Variants in PDE4D observed in about 807,000 individuals in gnomAD.
PDE4D encodes the protein 3',5'-cyclic-AMP phosphodiesterase 4D.
Under a neutral mutation model 87.4 loss-of-function variants are expected in PDE4D, and 24 were observed. The ratio of observed to expected loss-of-function variants is 0.27; its 90% CI spans 0.20 to 0.39. PDE4D has a LOEUF of 0.39. Among genes scored for constraint, PDE4D ranks in the 10% least tolerant of loss-of-function variants. The pLI is 1.00. For missense variants in PDE4D, 714 were observed against 1,041.0 expected (o/e 0.69, Z 4.32); for synonymous variants, 384 against 383.2 (o/e 1.00, Z -0.02).
intron 1 of PDE4D, among the ~76,000 whole-genome samples, chr5:59,759,116 T>C (rs1176835670): frequency 1.3e-5 from 2 of 152,100 alleles, no homozygotes; most frequent in African/African-American, 2.4e-5. Flanking sequence ...TTCCTGAAAG[T>C]GCTACTTGAA....
intron 1 of PDE4D, among the ~76,000 whole-genome samples, chr5:59,700,521 T>TA (rs1752415420): frequency 6.6e-6 from 1 of 152,162 alleles, no homozygotes; most frequent in Non-Finnish European, 1.5e-5. Flanking sequence ...CACGTAGATT[T>TA]CACACCTAAT....
chr5:59,085,116 T>C (rs1326967498), intron 5 of PDE4D, among the ~76,000 whole-genome samples: 1 of 152,156 alleles, frequency 6.6e-6, no homozygotes, highest in Non-Finnish European at 1.5e-5. Flanking sequence ...CACAAAGATA[T>C]TCATCACAAT....
At chr5:60,331,987 T>C (rs891683664) in intron 1 of PDE4D, among the ~76,000 whole-genome samples, 24 of 152,330 alleles carry the variant, frequency 1.6e-4, no homozygotes, top group African/African-American at 5.3e-4. Flanking sequence ...TGCTTGTTCA[T>C]TGTTCTGTGC....
At chr5:59,343,925 G>A (rs1017891585) in intron 1 of PDE4D, among the ~76,000 whole-genome samples, 1 of 151,968 alleles carries the variant, frequency 6.6e-6, no homozygotes, top group Non-Finnish European at 1.5e-5. Flanking sequence ...AACTGGTATA[G>A]GTCATATTAT....
chr5:59,496,236 G>A (rs974796516), intron 1 of PDE4D, among the ~76,000 whole-genome samples: 2 of 152,118 alleles, frequency 1.3e-5, no homozygotes, highest in Non-Finnish European at 2.9e-5. Context: ...CTGTTGGTGT[G>A]CTCTTCCACC....
At chr5:60,450,344 C>T (rs1746001794) in intron 1 of PDE4D, among the ~76,000 whole-genome samples, 1 of 151,866 alleles carries the variant, frequency 6.6e-6, no homozygotes, top group African/African-American at 2.4e-5. Context: ...GGTGGTTTTG[C>T]CCCAATCTGA....
At chr5:59,933,792 T>TATATATATATATATA (rs1561879282) in intron 3 of PDE4D, among the ~76,000 whole-genome samples, 49 of 99,416 alleles carry the variant, frequency 4.9e-4, no homozygotes, top group African/African-American at 2.3e-3. Context: ...ATATATATAT[T>TATATATATATATATA]AATAAGCATT....
chr5:59,535,076 T>C (rs78464331), intron 1 of PDE4D, among the ~76,000 whole-genome samples: 67 of 107,540 alleles, frequency 6.2e-4, no homozygotes, highest in African/African-American at 1.9e-3. Flanking sequence ...TGTGTGTGTG[T>C]GGGGGGGGGG....
At chr5:60,322,415 C>A (rs200350583) in intron 1 of PDE4D, among the ~76,000 whole-genome samples, 5,313 of 136,258 alleles carry the variant, frequency 0.039, 146 homozygotes, top group East Asian at 0.14. Flanking sequence ...CACACACACA[C>A]AAAACCCTAA....
chr5:60,352,226 A>C (rs977438196), intron 1 of PDE4D, among the ~76,000 whole-genome samples: 1 of 152,112 alleles, frequency 6.6e-6, no homozygotes, highest in Non-Finnish European at 1.5e-5. Flanking sequence ...TTTCCTCCCA[A>C]GGCACAGTAG....
chr5:60,422,662 T>G (rs37701), intron 1 of PDE4D, among the ~76,000 whole-genome samples: 2 of 152,222 alleles, frequency 1.3e-5, no homozygotes, highest in East Asian at 3.9e-4. Flanking sequence ...CCAGCTAACA[T>G]CATAATGACA....
intron 1 of PDE4D, among the ~76,000 whole-genome samples, chr5:59,560,589 G>C (rs1207688816): frequency 6.6e-6 from 1 of 152,192 alleles, no homozygotes; most frequent in Non-Finnish European, 1.5e-5. Context: ...TTAGGTTCAA[G>C]TTTTCACAGG....
chr5:59,701,364 T>A (rs1752536183), intron 1 of PDE4D, among the ~76,000 whole-genome samples: 1 of 152,222 alleles, frequency 6.6e-6, no homozygotes, highest in South Asian at 2.1e-4. Context: ...CCTGCTCCAA[T>A]TTGAACTACT....
chr5:59,487,322 A>AG (rs1805331235), intron 1 of PDE4D, among the ~76,000 whole-genome samples: 1 of 152,212 alleles, frequency 6.6e-6, no homozygotes, highest in Non-Finnish European at 1.5e-5. Context: ...TTTCAAGTTG[A>AG]TAGGACATTA....
intron 3 of PDE4D, among the ~76,000 whole-genome samples, chr5:59,932,503 C>T (rs1417731482): frequency 6.6e-6 from 1 of 152,298 alleles, no homozygotes; most frequent in East Asian, 1.9e-4. Flanking sequence ...ATTAAGTCCT[C>T]AGGTGAGGAA....
At chr5:59,775,511 A>G (rs1489851289) in intron 1 of PDE4D, among the ~76,000 whole-genome samples, 1 of 152,244 alleles carries the variant, frequency 6.6e-6, no homozygotes, top group Non-Finnish European at 1.5e-5. Context: ...ATACAAAAAA[A>G]AAATTAAATA....
intron 2 of PDE4D, among the ~76,000 whole-genome samples, chr5:60,098,067 A>G (rs1184993212): frequency 6.6e-6 from 1 of 151,902 alleles, no homozygotes; most frequent in East Asian, 1.9e-4. Flanking sequence ...TTTCCATTAA[A>G]TCTTTTATCA....
chr5:59,031,393 T>A (rs1447714632), intron 6 of PDE4D, among the ~76,000 whole-genome samples: 35 of 29,672 alleles, frequency 1.2e-3, no homozygotes, highest in Non-Finnish European at 1.6e-3. Context: ...ATATATATAT[T>A]ATATATATAT....
At chr5:60,312,646 C>T (rs1357314818) in intron 1 of PDE4D, among the ~76,000 whole-genome samples, 5 of 152,148 alleles carry the variant, frequency 3.3e-5, no homozygotes, top group African/African-American at 9.7e-5. Context: ...ATGGGGGAAA[C>T]CACCTCCATG....
Sources: gnomAD v4.1 joint callset for allele counts (sites outside exome capture counted in the v4.1 genomes callset) on GRCh38, gnomAD v4.1.1 for gene constraint, MANE v1.5 for transcripts, NCBI Gene and HGNC (gene_info 2026-07-23, HGNC 2026-07-21) for gene names.